Variants in IRAG1 observed in about 807,000 individuals in gnomAD.
IRAG1 encodes the protein inositol 1,4,5-triphosphate receptor associated 1, also known as IP3R-associated cGMP kinase substrate.
IRAG1 carries 62 observed loss-of-function variants against 106.2 expected under a neutral mutation model. The observed-to-expected ratio is 0.58, with a 90% confidence interval of 0.48 to 0.72. The LOEUF (loss-of-function observed/expected upper bound fraction) is 0.72. Ranked by LOEUF, IRAG1 falls within the 30% of genes least tolerant of loss-of-function variation. IRAG1 has a pLI of 0.00. For missense variants in IRAG1, 1,064 were observed against 1,140.7 expected (o/e 0.93, Z 0.97); for synonymous variants, 462 against 443.9 (o/e 1.04, Z -0.51).
At chr11:10,605,960 T>A (rs1197271540) in intron 12 of IRAG1, among the ~76,000 whole-genome samples, 1 of 152,246 alleles carries the variant, frequency 6.6e-6, no homozygotes, top group Non-Finnish European at 1.5e-5. Flanking sequence ...TGTGGTTATT[T>A]ACTCACTCAG....
chr11:10,630,343 C>A (rs1275339893), intron 4 of IRAG1, among the ~76,000 whole-genome samples: 1 of 151,584 alleles, frequency 6.6e-6, no homozygotes, highest in African/African-American at 2.4e-5. Flanking sequence ...GCCTGTTCCT[C>A]ATCTCCATTC....
rs1202200977 is a variant in IRAG1, at chr11:10,574,206, G to C, written c.*2126C>G. The C allele has an allele frequency of 6.6e-6, 1 of 152,248 alleles. No individual in the cohort carries two copies. The highest frequency in any genetic ancestry group is 6.5e-5 in the Admixed American group (1 of 15,278). 9.4% of individuals were successfully genotyped at this position (152,248 alleles called of 1,614,324 possible). A position where few individuals can be genotyped will look rare whatever the true frequency, so the allele number is the denominator to read the frequency against. On this transcript the variant is annotated 3_prime_UTR_variant, in exon 21 of 21. Transcript: ENST00000423302. ...CTCATTCCTGCTCTCTCACAGAGTA[G>C]ACTGAAAAACAGAATAAGCTGAGGT...
Position 10,629,570 on chromosome 11 carries a change from T to G in IRAG1, c.542A>C (p.Lys181Thr). ...GGAGTCTCCGGGGCTGCTCCTGGAC[T>G]TCCTCCCACGGCGGGTCAGGAATCG... ...SERFLTRRGR[K>T]SRSSPGDSPS... Residue 181 changes from lysine to threonine, a missense_variant, in exon 5 of 21, where the codon AAG becomes ACG. By Grantham distance (78) the Lys-to-Thr change is moderately conservative (BLOSUM62 -1). Coordinates refer to ENST00000423302, the MANE Select transcript of IRAG1 (RefSeq NM_130385.4). 1 of 1,613,976 alleles carries G rather than the reference T, an allele frequency of 6.2e-7. No homozygotes were observed.
At chr11:10,677,663 G>A (rs1860797284) in intron 1 of IRAG1, among the ~76,000 whole-genome samples, 2 of 152,160 alleles carry the variant, frequency 1.3e-5, no homozygotes, top group South Asian at 4.1e-4. Context: ...ATTTTGAAGT[G>A]TACAATTCAG....
At chr11:10,673,680 A>T (rs1373259193) in intron 1 of IRAG1, among the ~76,000 whole-genome samples, 2 of 152,098 alleles carry the variant, frequency 1.3e-5, no homozygotes, top group African/African-American at 4.8e-5. Context: ...AGCTGTTTAA[A>T]ATTTTTTCTA....
At chr11:10,577,663 G>A (rs760460368) in intron 20 of IRAG1, among the ~76,000 whole-genome samples, 4 of 152,150 alleles carry the variant, frequency 2.6e-5, no homozygotes, top group Admixed American at 6.5e-5. Context: ...GCTGAGAAGC[G>A]GAGAGCTCAA....
chr11:10,672,126 C>T (rs76888254), intron 1 of IRAG1, among the ~76,000 whole-genome samples: 3,953 of 152,244 alleles, frequency 0.026, 193 homozygotes, highest in African/African-American at 0.09. Context: ...ACAAATGGTT[C>T]TGGAACAACG....
At chr11:10,653,562 A>G (rs1003381710) in intron 1 of IRAG1, among the ~76,000 whole-genome samples, 1 of 152,106 alleles carries the variant, frequency 6.6e-6, no homozygotes, top group African/African-American at 2.4e-5. Flanking sequence ...GCAATGTAGA[A>G]AGAACACAGG....
At chr11:10,671,393 T>A (rs1860209615) in intron 1 of IRAG1, among the ~76,000 whole-genome samples, 1 of 152,208 alleles carries the variant, frequency 6.6e-6, no homozygotes, top group Non-Finnish European at 1.5e-5. Context: ...CACAATAGCA[T>A]CAAAAGCATA....
chr11:10,593,634 G>A (rs1483486212), intron 16 of IRAG1, 35 bp from the exon 17 acceptor site: 2 of 1,509,046 alleles, frequency 1.3e-6, no homozygotes, highest in East Asian at 2.3e-5. Flanking sequence ...TCACTGTCTT[G>A]GAGGTAGCAA....
rs1471819676 is a variant in IRAG1 at position 10,576,208 on chromosome 11, A to G, written c.*124T>C. On this transcript the variant is annotated 3_prime_UTR_variant, in exon 21 of 21. Transcript: ENST00000423302. ...CACAGAAGTGCCGAGTGTTAAAAGA[A>G]CCCTTCCTCATGACCTGATGGGATG... 6 of 1,282,112 alleles carry G rather than the reference A, an allele frequency of 4.7e-6. No homozygotes were observed. In the East Asian group the frequency reaches 1.5e-4, roughly 32 times the overall value. 79.4% of individuals were successfully genotyped at this position (1,282,112 alleles called of 1,614,324 possible).
intron 10 of IRAG1, among the ~76,000 whole-genome samples, chr11:10,619,071 T>A (rs889258121): frequency 6.6e-6 from 1 of 152,146 alleles, no homozygotes; most frequent in Non-Finnish European, 1.5e-5. Context: ...TGAACCCTTT[T>A]CACTTAATGC....
chr11:10,624,022 A>G (rs2303402), intron 9 of IRAG1, among the ~76,000 whole-genome samples, 166 bp from the exon 10 acceptor site: 62,864 of 151,828 alleles, frequency 0.41, 13,400 homozygotes, highest in East Asian at 0.7. Context: ...AAGCACCAGG[A>G]AATAGTTCCT....
chr11:10,630,784 G>A (rs978644222), intron 4 of IRAG1, among the ~76,000 whole-genome samples: 4 of 152,116 alleles, frequency 2.6e-5, no homozygotes, highest in Non-Finnish European at 5.9e-5. Flanking sequence ...ACCTCCATCG[G>A]GTTCCATTCG....
intron 1 of IRAG1, among the ~76,000 whole-genome samples, chr11:10,677,926 AG>A (rs1860822289): frequency 6.6e-6 from 1 of 152,178 alleles, no homozygotes; most frequent in Non-Finnish European, 1.5e-5. Flanking sequence ...AATGTTTTTG[AG>A]GTTTATCCAC....
intron 1 of IRAG1, among the ~76,000 whole-genome samples, chr11:10,680,534 A>AGAAAGGAAGAAAGGAAGGAAGGAAGG (rs1564942945): frequency 7.1e-6 from 1 of 141,234 alleles, no homozygotes; most frequent in African/African-American, 2.7e-5. Context: ...AAAGGAAGGA[A>AGAAAGGAAGAAAGGAAGGAAGGAAGG]GGAAGGGGAA....
chr11:10,604,349 G>A, intron 13 of IRAG1, 56 bp downstream of exon 13: 1 of 1,605,692 alleles, frequency 6.2e-7, no homozygotes, highest in Non-Finnish European at 8.5e-7. Context: ...CACCCTGTAT[G>A]GCCCTTGGGG....
At chr11:10,663,213 A>T (rs768055024) in intron 1 of IRAG1, among the ~76,000 whole-genome samples, 13 of 152,170 alleles carry the variant, frequency 8.5e-5, no homozygotes, top group Admixed American at 5.2e-4. Context: ...GCAACACCAC[A>T]GCCCAATAAA....
At chr11:10,680,449 G>A (rs538807677) in intron 1 of IRAG1, among the ~76,000 whole-genome samples, 3 of 145,228 alleles carry the variant, frequency 2.1e-5, no homozygotes, top group Non-Finnish European at 3.0e-5. Context: ...AGGAAAGAAA[G>A]GGAAAGAGAA....
Sources: allele counts gnomAD v4.1 joint callset (sites outside exome capture counted in the v4.1 genomes callset), GRCh38; gene constraint gnomAD v4.1.1; transcripts MANE v1.5; gene names NCBI Gene and HGNC (gene_info 2026-07-23, HGNC 2026-07-21).